The following CCNH variants were observed in gnomAD, a reference collection of about 807,000 sequenced individuals.
CCNH encodes cyclin H, also known as cyclin-H.
A neutral mutation model predicts 41.9 loss-of-function variants in CCNH; 31 were observed. That is an observed-to-expected ratio of 0.74 (90% CI 0.56 to 1.00). The LOEUF (loss-of-function observed/expected upper bound fraction) is 1.00, where lower values mean the gene tolerates loss of function less well. CCNH is among the 50% of genes least tolerant of loss of function. CCNH has a pLI of 0.00. For missense variants in CCNH, 362 were observed against 388.4 expected, an observed-to-expected ratio of 0.93 and a Z score of 0.57; for synonymous variants, 138 against 136.1, an observed-to-expected ratio of 1.01 and a Z score of -0.10.
chr5:87,394,229 T>TAGTC (rs540142217), downstream of CCNH: 18 of 1,205,584 alleles, frequency 1.5e-5, no homozygotes, highest in South Asian at 5.7e-4. Context: ...AATTTGATAT[T>TAGTC]AGTCACGATG....
chr5:87,376,765 C>T, exon 1 of CCNH: 1 of 1,225,662 alleles, frequency 8.2e-7, no homozygotes, highest in Non-Finnish European at 1.2e-6. Flanking sequence ...TAAATTTATT[C>T]AATGGGACAT....
intron 9 of CCNH, among the ~76,000 whole-genome samples, chr5:87,338,536 A>ATATATATTTTT: frequency 4.7e-5 from 4 of 85,222 alleles, no homozygotes; most frequent in East Asian, 4.9e-4. Context: ...TATATATAAA[A>ATATATATTTTT]TTTTTTTTTT....
intron 1 of CCNH, 108 bp from the exon 2 acceptor site, chr5:87,411,454 G>A (rs1764235969): frequency 1.3e-5 from 13 of 984,438 alleles, no homozygotes; most frequent in Non-Finnish European, 1.6e-5. Flanking sequence ...CCAACGAAGG[G>A]TATATATCAC....
chr5:87,386,284 C>A (rs1310784533), intron 9 of CCNH, among the ~76,000 whole-genome samples: 1 of 151,988 alleles, frequency 6.6e-6, no homozygotes, highest in Non-Finnish European at 1.5e-5. Flanking sequence ...CTATTTATAG[C>A]ATGGTTTTAA....
At chr5:87,380,168 CTG>C (rs999456427), upstream of CCNH, among the ~76,000 whole-genome samples, 4 of 152,060 alleles carry the variant, frequency 2.6e-5, no homozygotes, top group African/African-American at 9.7e-5. Context: ...ACTAATCACT[CTG>C]TTAATATGCT....
At chr5:87,378,498 ACT>A (rs886041400), upstream of CCNH, 2 of 1,611,906 alleles carry the variant, frequency 1.2e-6, no homozygotes, top group South Asian at 1.1e-5. Flanking sequence ...GCTTTGAAAG[ACT>A]CTATTTTAAA....
chr5:87,375,412 C>T (rs1761258613), downstream of CCNH, among the ~76,000 whole-genome samples: 3 of 152,176 alleles, frequency 2.0e-5, no homozygotes, highest in South Asian at 6.2e-4. Context: ...AGGCGCCCGC[C>T]ACCATACCTG....
rs150779406 is a variant in CCNH, at chr5:87,346,734, T to C, written c.*91-27837A>G. The C allele has an allele frequency of 1.8e-3, 2,798 of 1,527,266 alleles. 19 individuals are homozygous for C. The highest frequency in any genetic ancestry group is 0.014 in the East Asian group (621 of 44,006). The allele number at this position is 1,527,266 out of a possible 1,614,324, so 94.6% of individuals were successfully genotyped here. The stretch of plus-strand genomic sequence containing the variant: ...AATTTACTAATGACAGGTACTTACA[T>C]ATTTACTTGCTTTTCTAATGTCTAT... On this transcript the variant is annotated intron_variant and NMD_transcript_variant, in intron 9 of 9. Coordinates refer to the CCNH transcript ENST00000645953.
At chr5:87,317,167 G>A (rs1203559497), downstream of CCNH, among the ~76,000 whole-genome samples, 2 of 152,176 alleles carry the variant, frequency 1.3e-5, no homozygotes, top group African/African-American at 4.8e-5. Flanking sequence ...ACAGGTGTGA[G>A]CCACTGCGCC....
chr5:87,355,783 G>A (rs1347038573), intron 9 of CCNH, among the ~76,000 whole-genome samples: 1 of 152,202 alleles, frequency 6.6e-6, no homozygotes, highest in Admixed American at 6.5e-5. Flanking sequence ...TGATTCATGG[G>A]CAGAGGCCAA....
downstream of CCNH, chr5:87,371,968 T>C (rs1760979335): frequency 1.8e-6 from 1 of 543,246 alleles, no homozygotes; most frequent in African/African-American, 1.9e-5. Flanking sequence ...TATTATTGGT[T>C]ATTGTTATGA....
chr5:87,360,567 CTA>C (rs1162333054), intron 9 of CCNH, among the ~76,000 whole-genome samples: 24 of 152,132 alleles, frequency 1.6e-4, no homozygotes, highest in African/African-American at 5.3e-4. Flanking sequence ...TTTACAATTT[CTA>C]TATGTTTACT....
chr5:87,412,661 C>CG lies in CCNH; in HGVS notation c.117+16dup. On this transcript the variant is annotated intron_variant, in intron 1 of 8. Coordinates refer to ENST00000256897, the MANE Select transcript of CCNH (RefSeq NM_001239.4). ...TTTAGTGACCGGGCAACTGGGCAAC[C>CG]GTTGGGAAAACCTCACCTTCCCGTT... 1.9e-6 allele frequency: 3 copies of CG among 1,613,106 alleles called. No homozygotes were observed. The highest frequency in any genetic ancestry group is 2.5e-6 in the Non-Finnish European group (3 of 1,179,392).
intron 9 of CCNH, among the ~76,000 whole-genome samples, chr5:87,370,841 A>G (rs1760882226): frequency 6.6e-6 from 1 of 152,164 alleles, no homozygotes. Context: ...AGATGCTCTT[A>G]AAACTAGATC....
chr5:87,319,899 A>G (rs1457052687), intron 9 of CCNH, among the ~76,000 whole-genome samples: 2 of 152,220 alleles, frequency 1.3e-5, no homozygotes, highest in Non-Finnish European at 2.9e-5. Flanking sequence ...CCTTTTAAAC[A>G]TAAGTTCCAA....
intron 9 of CCNH, among the ~76,000 whole-genome samples, chr5:87,355,491 CAA>C (rs1759585256): frequency 6.6e-6 from 1 of 152,158 alleles, no homozygotes; most frequent in African/African-American, 2.4e-5. Context: ...CTGCTCAGAA[CAA>C]ACAATTCCTT....
chr5:87,389,501 C>T (rs1435689056), downstream of CCNH: 1 of 1,613,990 alleles, frequency 6.2e-7, no homozygotes, highest in Non-Finnish European at 8.5e-7. Flanking sequence ...ACTTCGAACG[C>T]TCAGTAATGA....
chr5:87,394,705 G>C, intron 8 of CCNH: 1 of 1,336,090 alleles, frequency 7.5e-7, no homozygotes, highest in Non-Finnish European at 9.6e-7. Context: ...TTTTGCCTCT[G>C]ATTATTCACT....
intron 9 of CCNH, among the ~76,000 whole-genome samples, chr5:87,320,699 A>G (rs183108922): frequency 3.9e-5 from 6 of 152,338 alleles, no homozygotes; most frequent in Admixed American, 3.3e-4. Context: ...ACAGTTCAAC[A>G]TGAGATTTGG....
Sources: gnomAD v4.1 joint callset for allele counts (sites outside exome capture counted in the v4.1 genomes callset) on GRCh38, gnomAD v4.1.1 for gene constraint, MANE v1.5 for transcripts, NCBI Gene and HGNC (gene_info 2026-07-23, HGNC 2026-07-21) for gene names.